Variants in EYA1 observed in about 807,000 individuals in gnomAD.
The protein encoded by EYA1 is protein phosphatase EYA1.
A neutral mutation model predicts 82.0 loss-of-function variants in EYA1; 16 were observed. The ratio of observed to expected loss-of-function variants is 0.20; its 90% CI spans 0.13 to 0.30. The LOEUF is 0.30. EYA1 is among the 10% of genes least tolerant of loss of function. The pLI, the probability that EYA1 is intolerant of heterozygous loss-of-function variation, is 1.00. For synonymous variants in EYA1, 261 were observed against 264.4 expected (o/e 0.99, Z 0.12); for missense variants, 633 against 730.7 (o/e 0.87, Z 1.54).
At chr8:71,472,811 A>C (rs1056071223) in intron 2 of EYA1, among the ~76,000 whole-genome samples, 1 of 147,818 alleles carries the variant, frequency 6.8e-6, no homozygotes, top group African/African-American at 2.5e-5. Context: ...ATATATATAT[A>C]TATCTGTCAG....
chr8:71,410,179 C>T (rs1056696518), intron 2 of EYA1, among the ~76,000 whole-genome samples: 79 of 144,870 alleles, frequency 5.5e-4, no homozygotes, highest in African/African-American at 1.9e-3. Flanking sequence ...AATTCAACAA[C>T]CCTTCATGCT....
chr8:71,439,298 A>C (rs1245655355), intron 2 of EYA1, among the ~76,000 whole-genome samples: 1 of 152,114 alleles, frequency 6.6e-6, no homozygotes, highest in Non-Finnish European at 1.5e-5. Context: ...TGCTTGACTC[A>C]TTGAGTTTGT....
At position 71,431,094 on chromosome 8, in the gene EYA1, G is replaced by A. The variant is rs116843503; in HGVS notation, c.34-74583C>T. Among the ~76,000 whole-genome samples, 78 of 152,202 alleles carry A rather than the reference G, an allele frequency of 5.1e-4. 1 individual carries two copies. In the East Asian group the frequency reaches 0.013, roughly 26 times the overall value. On this transcript the variant is annotated intron_variant, in intron 2 of 18. Transcript: ENST00000643681. ...AATGTCTTAAATAAACCTCTCCCTG[G>A]TATTAACTCAGCTACTACACAAGAA... is the stretch of plus-strand genomic sequence containing the variant.
intron 2 of EYA1, among the ~76,000 whole-genome samples, chr8:71,402,515 T>C (rs923429522): frequency 9.8e-5 from 15 of 152,334 alleles, no homozygotes; most frequent in African/African-American, 3.4e-4. Context: ...CTTAATATTC[T>C]AAAGTTATTT....
At chr8:71,208,809 G>A (rs1808160162) in intron 17 of EYA1, among the ~76,000 whole-genome samples, 1 of 152,152 alleles carries the variant, frequency 6.6e-6, no homozygotes, top group East Asian at 1.9e-4. Context: ...ATTCTAACCT[G>A]AAACCAAGAA....
At chr8:71,395,310 C>A (rs1306360144) in intron 2 of EYA1, among the ~76,000 whole-genome samples, 1 of 152,166 alleles carries the variant, frequency 6.6e-6, no homozygotes, top group Non-Finnish European at 1.5e-5. Context: ...TTGCCCTGGC[C>A]AGAACTTCCA....
At chr8:71,536,813 G>A (rs1814746186) in intron 1 of EYA1, among the ~76,000 whole-genome samples, 1 of 152,074 alleles carries the variant, frequency 6.6e-6, no homozygotes, top group South Asian at 2.1e-4. Flanking sequence ...TCACATATTA[G>A]GAAAGCTACT....
chr8:71,525,949 G>C (rs1813786765), intron 2 of EYA1, among the ~76,000 whole-genome samples: 2 of 152,206 alleles, frequency 1.3e-5, no homozygotes, highest in Admixed American at 1.3e-4. Flanking sequence ...GTGACAGAGG[G>C]AGTGTGGTTG....
At chr8:71,302,522 C>CAGTGAGCCGAGAT (rs1470034645) in intron 7 of EYA1, among the ~76,000 whole-genome samples, 4 of 100,848 alleles carry the variant, frequency 4.0e-5, no homozygotes, top group South Asian at 3.1e-4. Context: ...GGCTGAGATT[C>CAGTGAGCCGAGAT]CATTCCATTT....
At chr8:71,415,450 A>G (rs1294817136) in intron 2 of EYA1, among the ~76,000 whole-genome samples, 1 of 152,206 alleles carries the variant, frequency 6.6e-6, no homozygotes, top group Non-Finnish European at 1.5e-5. Flanking sequence ...AAAATGATAC[A>G]ACGTGAGCTT....
rs900450966 is a variant in EYA1 at position 71,199,386 on chromosome 8, G to A, written c.1733C>T (p.Ser578Leu). ...AMPFWRISSH[S>L]DLMALHHALE... ...GGCATGGTGCAGGGCCATGAGGTCC[G>A]AGTGGCTGGAGATCCTCCAGAAGGG... is the stretch of plus-strand genomic sequence containing the variant. The change falls in exon 18 of 18, where the codon TCG becomes TTG. Residue 578 changes from serine to leucine, a missense_variant. Coordinates refer to ENST00000340726, the MANE Select transcript of EYA1 (RefSeq NM_000503.6). 2 of 1,613,170 alleles carry A rather than the reference G, an allele frequency of 1.2e-6. No homozygotes were observed. The highest frequency in any genetic ancestry group is 8.5e-7 in the Non-Finnish European group (1 of 1,179,774).
chr8:71,491,098 C>G (rs891526158), intron 2 of EYA1, among the ~76,000 whole-genome samples: 7 of 152,094 alleles, frequency 4.6e-5, no homozygotes, highest in Non-Finnish European at 1.0e-4. Context: ...GGACTCACCT[C>G]TTCATTTTAT....
chr8:71,371,296 G>T (rs563312695), intron 2 of EYA1, among the ~76,000 whole-genome samples: 1 of 152,104 alleles, frequency 6.6e-6, no homozygotes, highest in East Asian at 1.9e-4. Flanking sequence ...AAACACTCAC[G>T]CTAAATGCTG....
At chr8:71,410,315 G>T (rs1405423635) in intron 2 of EYA1, among the ~76,000 whole-genome samples, 1 of 125,656 alleles carries the variant, frequency 8.0e-6, no homozygotes, top group African/African-American at 3.0e-5. Flanking sequence ...TTGAAAACTG[G>T]CACAAGACAT....
intron 9 of EYA1, 122 bp from the exon 10 acceptor site, chr8:71,272,019 T>C (rs1816604683): frequency 9.8e-7 from 1 of 1,022,374 alleles, no homozygotes; most frequent in Non-Finnish European, 1.6e-6. Context: ...GCTGAAATCC[T>C]ACATCGTCTT....
At chr8:71,457,989 C>T (rs1392798492) in intron 2 of EYA1, among the ~76,000 whole-genome samples, 1 of 152,082 alleles carries the variant, frequency 6.6e-6, no homozygotes, top group Non-Finnish European at 1.5e-5. Context: ...TGTTAAAGTT[C>T]AATTTTTGAG....
intron 2 of EYA1, among the ~76,000 whole-genome samples, chr8:71,374,959 A>G (rs1828286147): frequency 1.3e-5 from 2 of 152,188 alleles, no homozygotes; most frequent in Admixed American, 1.3e-4. Flanking sequence ...AATACATAGA[A>G]AGAGTATAAT....
At chr8:71,519,653 T>C (rs550154136) in intron 2 of EYA1, among the ~76,000 whole-genome samples, 123 of 145,702 alleles carry the variant, frequency 8.4e-4, no homozygotes, top group African/African-American at 3.0e-3. Flanking sequence ...TTTTACCTAA[T>C]ATTTGAAAAT....
chr8:71,288,342 T>C lies in EYA1; in HGVS notation c.826+10705A>G, dbSNP rs556950653. On this transcript the variant is annotated intron_variant, in intron 9 of 17. Transcript: ENST00000340726. ...GATAAAAGGATATTCATCTCCATCT[T>C]TGGGAGACAGTTGTGCTACCCAGGG... 1.6e-3 allele frequency among the ~76,000 whole-genome samples: 250 copies of C among 152,334 alleles called. 1 individual carries two copies. Among genetic ancestry groups the C allele is most frequent in the African/African-American group, 5.4e-3 (226 of 41,584 alleles).
Sources: gnomAD v4.1 joint callset for allele counts (sites outside exome capture counted in the v4.1 genomes callset) on GRCh38, gnomAD v4.1.1 for gene constraint, MANE v1.5 for transcripts, NCBI Gene and HGNC (gene_info 2026-07-23, HGNC 2026-07-21) for gene names.